The following CENPN variants were observed in gnomAD, a reference collection of about 807,000 sequenced individuals.
CENPN encodes the protein interphase centromere complex protein 32.
A neutral mutation model predicts 48.6 loss-of-function variants in CENPN; 36 were observed. The observed-to-expected ratio is 0.74, with a 90% CI of 0.57 to 0.98. CENPN has a LOEUF of 0.98. CENPN is among the 50% of genes least tolerant of loss of function. The pLI, the probability that CENPN is intolerant of heterozygous loss-of-function variation, is 0.00. For missense variants in CENPN, 439 were observed against 399.2 expected, an observed-to-expected ratio of 1.10 and a Z score of -0.85; for synonymous variants, 166 against 135.2, an observed-to-expected ratio of 1.23 and a Z score of -1.58.
chr16:81,020,261 A>G lies in CENPN; in HGVS notation c.516A>G (p.Thr172=), dbSNP rs1375244203. 1 of 1,610,562 alleles carries G rather than the reference A, an allele frequency of 6.2e-7. No homozygotes were observed. The highest frequency in any genetic ancestry group is 8.5e-7 in the Non-Finnish European group (1 of 1,179,124). Residue 172 remains threonine (T), a synonymous_variant, in exon 6 of 11, where the codon ACA becomes ACG. Coordinates refer to ENST00000305850, the MANE Select transcript of CENPN (RefSeq NM_001100624.3). ...CCTCCTCCATGCTGAGGCGCAATAC[A>G]CCGCTTCTGGGTCAGGTATGGAAAA... The part of the protein sequence containing the change: ...FTSSSMLRRN[T]PLLGQALTIA...
chr16:81,028,468 G>C (rs940879816), intron 10 of CENPN, 101 bp from the exon 11 acceptor site: 8 of 1,535,050 alleles, frequency 5.2e-6, no homozygotes, highest in Non-Finnish European at 7.0e-6. Flanking sequence ...GGGCATCTAT[G>C]ATCCACCCTC....
chr16:81,016,221 A>C (rs1258160963), intron 3 of CENPN, among the ~76,000 whole-genome samples: 2 of 151,730 alleles, frequency 1.3e-5, no homozygotes, highest in Non-Finnish European at 2.9e-5. Flanking sequence ...TCAAACATAT[A>C]CTGAAGCCTG....
At chr16:81,032,659 T>C (rs759539066), downstream of CENPN, 2 of 1,611,348 alleles carry the variant, frequency 1.2e-6, no homozygotes, top group Non-Finnish European at 1.7e-6. Flanking sequence ...GAAGGACTTG[T>C]ACCTTCTGTT....
intron 3 of CENPN, among the ~76,000 whole-genome samples, chr16:81,014,837 A>G (rs750038561): frequency 1.3e-5 from 2 of 152,214 alleles, no homozygotes; most frequent in Non-Finnish European, 2.9e-5. Context: ...TGAAAGCAGC[A>G]GACATTCAAC....
At position 81,023,953 on chromosome 16, in the gene CENPN, T is replaced by C. The variant is rs375428896; in HGVS notation, c.634-762T>C. On this transcript the variant is annotated intron_variant, in intron 7 of 10. Transcript: ENST00000305850. ...AAAATTAGCCAGGCATGGTGGCGGG[T>C]GCCTGTAGTCCCAGCTACTTGGGAG... The C allele has an allele frequency of 6.5e-3, 988 of 152,204 alleles. 5 individuals are homozygous for C. The highest frequency in any genetic ancestry group is 0.012 in the Non-Finnish European group (789 of 68,136). The allele number at this position is 152,204 out of a possible 1,614,324, so 9.4% of individuals were successfully genotyped here.
At chr16:81,008,152 C>T (rs558726750) in intron 1 of CENPN, among the ~76,000 whole-genome samples, 1 of 152,046 alleles carries the variant, frequency 6.6e-6, no homozygotes, top group South Asian at 2.1e-4. Flanking sequence ...ACGGGGTAAA[C>T]GTTTACTAAA....
rs527895133 is a variant in CENPN, at chr16:81,021,675, T to G, written c.532-922T>G. The stretch of plus-strand genomic sequence containing the variant: ...ACATTTGGGGTCTCCTGCTCCATGA[T>G]ACATAGTGGTCTTTCATCCACTTAT... On this transcript the variant is annotated intron_variant, in intron 6 of 10. Transcript: ENST00000305850. 1.1e-4 allele frequency among the ~76,000 whole-genome samples: 16 copies of G among 152,284 alleles called. No individual in the cohort carries two copies. The East Asian group carries it at 3.1e-3, about 29-fold the overall frequency.
chr16:81,028,679 C>A lies in CENPN; in HGVS notation c.*28C>A. 1.3e-6 allele frequency: 2 copies of A among 1,598,852 alleles called. No individual in the cohort carries two copies. Among genetic ancestry groups the A allele is most frequent in the South Asian group, 2.3e-5 (2 of 87,518 alleles). ...CGTGCGTGGTTTCTTAAGCACAGCT[C>A]CTCCTTCTTGATATTGCACATGCAC... On this transcript the variant is annotated 3_prime_UTR_variant, in exon 11 of 11. Transcript: ENST00000305850.
intron 8 of CENPN, among the ~76,000 whole-genome samples, chr16:81,025,841 T>A (rs1382069407): frequency 4.0e-5 from 6 of 151,678 alleles, no homozygotes; most frequent in Admixed American, 2.6e-4. Context: ...TATCTGGGAC[T>A]ACAGGCGCCT....
In CENPN at chr16:81,028,873, G is replaced by T. The variant is rs139018356; in HGVS notation, c.*222G>T. The T allele has an allele frequency of 3.1e-6, 4 of 1,301,404 alleles. No homozygotes were observed. Among genetic ancestry groups the T allele is most frequent in the Non-Finnish European group, 3.9e-6 (4 of 1,026,634 alleles). The allele number at this position is 1,301,404 out of a possible 1,614,324, so 80.6% of individuals were successfully genotyped here. A position where few individuals can be genotyped will look rare whatever the true frequency, so the allele number is the denominator to read the frequency against. On this transcript the variant is annotated 3_prime_UTR_variant, in exon 11 of 11. Transcript: ENST00000305850. Reference sequence around the variant, plus strand: ...TAACTGTAGCCGTTGTGGCATTTGAGATGACAGGACATATATATATATGGC... The same window carrying T: ...TAACTGTAGCCGTTGTGGCATTTGATATGACAGGACATATATATATATGGC...
At position 81,009,454 on chromosome 16, in the gene CENPN, G is replaced by A. The variant is rs1969648027; in HGVS notation, c.-11+2177G>A. On this transcript the variant is annotated intron_variant, in intron 1 of 10. Transcript: ENST00000305850. ...AGCTCAGAAAACCAAGGAGAGGGAA[G>A]CAGGGGCCACGCAACACGGGGCCTT... Among the ~76,000 whole-genome samples the A allele has an allele frequency of 5.3e-5, 8 of 152,298 alleles. No homozygotes were observed. In the South Asian group the frequency reaches 1.7e-3, roughly 32 times the overall value.
At position 81,030,042 on chromosome 16, in the gene CENPN, C is replaced by T. The variant is rs1011715377; in HGVS notation, c.*1391C>T. On this transcript the variant is annotated 3_prime_UTR_variant, in exon 11 of 11. Coordinates refer to ENST00000305850, the MANE Select transcript of CENPN (RefSeq NM_001100624.3). ...CAAGAGAGCTTGTGCAGGGAAACTCCCATTTATAAAACCACCAGAGCTCAT... is the reference window on the plus strand; with the variant it reads ...CAAGAGAGCTTGTGCAGGGAAACTCTCATTTATAAAACCACCAGAGCTCAT... The T allele has an allele frequency of 2.2e-5, 5 of 230,702 alleles. No individual in the cohort carries two copies. Among genetic ancestry groups the T allele is most frequent in the Non-Finnish European group, 2.9e-5 (4 of 140,286 alleles). 14.3% of individuals were successfully genotyped at this position (230,702 alleles called of 1,614,324 possible). A position where few individuals can be genotyped will look rare whatever the true frequency, so the allele number is the denominator to read the frequency against.
In CENPN at chr16:81,017,798, T is replaced by C; in HGVS notation, c.318T>C (p.Asn106=). Residue 106 remains asparagine (N), a synonymous_variant, in exon 5 of 11, where the codon AAT becomes AAC. Transcript: ENST00000305850. ...VDLFDMKQFK[N]SFKKILQRAL... ...TTTTTGATATGAAACAATTTAAAAA[T>C]TCGTTCAAGAAAATTCTTCAGAGAG... is the stretch of plus-strand genomic sequence containing the variant. 6.3e-7 allele frequency: 1 copy of C among 1,585,632 alleles called. No individual in the cohort carries two copies. Among genetic ancestry groups the C allele is most frequent in the Non-Finnish European group, 8.6e-7 (1 of 1,168,904 alleles).
chr16:81,017,980 C>T (rs1295885825), intron 5 of CENPN, 146 bp downstream of exon 5: 1 of 569,244 alleles, frequency 1.8e-6, no homozygotes, highest in Non-Finnish European at 3.1e-6. Flanking sequence ...CAGAAACACA[C>T]TGTAAATATT....
At chr16:81,024,387 T>C (rs1970364719) in intron 7 of CENPN, 1 of 167,102 alleles carries the variant, frequency 6.0e-6, no homozygotes, top group South Asian at 1.9e-4. Flanking sequence ...CCAATCTCAG[T>C]AAGTTTTTTA....
chr16:81,028,238 G>A lies in CENPN; in HGVS notation c.878G>A (p.Cys293Tyr). The A allele has an allele frequency of 6.2e-7, 1 of 1,613,782 alleles. No individual in the cohort carries two copies. Among genetic ancestry groups the A allele is most frequent in the South Asian group, 1.1e-5 (1 of 91,080 alleles). Residue 293 changes from cysteine (C) to tyrosine (Y), a missense_variant, in exon 10 of 11, where the codon TGC becomes TAC. Physicochemically the swap from Cys to Tyr is radical, Grantham distance 194. Transcript: ENST00000305850. ...GCTGAGAGGGAAGAACCCCTCCGAT[G>A]CCTAATAAAGTTCTCTAGCCCACAT... is the stretch of plus-strand genomic sequence containing the variant. Reference protein sequence around the residue: ...ILAEREEPLRCLIKFSSPHLL... With the variant: ...ILAEREEPLRYLIKFSSPHLL...
In CENPN at chr16:81,028,989, G is replaced by A. The variant is rs891078554; in HGVS notation, c.*338G>A. 13 of 1,004,390 alleles carry A rather than the reference G, an allele frequency of 1.3e-5. No individual in the cohort carries two copies. The highest frequency in any genetic ancestry group is 8.6e-5 in the African/African-American group (5 of 57,818). The allele number at this position is 1,004,390 out of a possible 1,614,324, so 62.2% of individuals were successfully genotyped here. A position where few individuals can be genotyped will look rare whatever the true frequency, so the allele number is the denominator to read the frequency against. ...TTGGGTTTGTGTCCTTTTTTCTATG[G>A]CTGTCTCTTCTCAATTCTGGAGAGG... On this transcript the variant is annotated 3_prime_UTR_variant, in exon 11 of 11. Transcript: ENST00000305850.
At chr16:81,012,155 C>T (rs955930307) in intron 2 of CENPN, 45 bp downstream of exon 2, 29 of 1,560,606 alleles carry the variant, frequency 1.9e-5, no homozygotes, top group Non-Finnish European at 2.5e-5. Context: ...GTGCTACCCC[C>T]TTGGGTTTTT....
chr16:81,017,879 G>A (rs747602822), intron 5 of CENPN, 45 bp downstream of exon 5: 5 of 1,155,502 alleles, frequency 4.3e-6, no homozygotes, highest in South Asian at 1.4e-5. Flanking sequence ...ATGTCATGAC[G>A]TCTGTGCACT....
Sources: gnomAD v4.1 joint callset for allele counts (sites outside exome capture counted in the v4.1 genomes callset) on GRCh38, gnomAD v4.1.1 for gene constraint, MANE v1.5 for transcripts, NCBI Gene and HGNC (gene_info 2026-07-23, HGNC 2026-07-21) for gene names.